SPATA17: variants seen among roughly 807,000 people sequenced by gnomAD.
The protein encoded by SPATA17 is spermatogenesis associated 17, also known as spermatogenesis-associated protein 17.
Under a neutral mutation model 62.2 loss-of-function variants are expected in SPATA17, and 53 were observed. The ratio of observed to expected loss-of-function variants is 0.85; its 90% CI spans 0.68 to 1.07. SPATA17 has a LOEUF of 1.07. Among genes scored for constraint, SPATA17 ranks in the 50% least tolerant of loss-of-function variants. The pLI is 0.00. For synonymous variants in SPATA17, 146 were observed against 146.8 expected (o/e 0.99, Z 0.04); for missense variants, 466 against 425.5 (o/e 1.10, Z -0.84).
chr1:217,700,806 A>G (rs1394151044), intron 5 of SPATA17, among the ~76,000 whole-genome samples: 4 of 138,308 alleles, frequency 2.9e-5, no homozygotes, highest in African/African-American at 8.2e-5. Context: ...GGGTTTCACC[A>G]TGTTGGCCAG....
At chr1:217,708,871 G>GT (rs1305266440) in intron 5 of SPATA17, among the ~76,000 whole-genome samples, 3 of 151,912 alleles carry the variant, frequency 2.0e-5, no homozygotes, top group Non-Finnish European at 4.4e-5. Flanking sequence ...TGCAAGGTAG[G>GT]TTCAACATAC....
chr1:217,701,177 G>A (rs181406342), intron 5 of SPATA17, among the ~76,000 whole-genome samples: 49 of 151,600 alleles, frequency 3.2e-4, no homozygotes, highest in African/African-American at 1.1e-3. Context: ...GTTTCACCAT[G>A]TTGGCCAGGC....
At chr1:217,645,714 T>G (rs898947331) in intron 1 of SPATA17, among the ~76,000 whole-genome samples, 1 of 152,208 alleles carries the variant, frequency 6.6e-6, no homozygotes, top group Non-Finnish European at 1.5e-5. Context: ...CTGGACATTA[T>G]GTTGTTGTAT....
intron 5 of SPATA17, among the ~76,000 whole-genome samples, chr1:217,732,299 A>G (rs1672419339): frequency 6.6e-6 from 1 of 152,166 alleles, no homozygotes; most frequent in Non-Finnish European, 1.5e-5. Context: ...ACATCATCCT[A>G]TGGTATGTTA....
intron 9 of SPATA17, among the ~76,000 whole-genome samples, chr1:217,824,662 A>G (rs1189325042): frequency 6.6e-6 from 1 of 150,810 alleles, no homozygotes; most frequent in Non-Finnish European, 1.5e-5. Context: ...CATGTACTTT[A>G]TACAAATATG....
chr1:217,681,956 C>T (rs916512636), intron 4 of SPATA17, among the ~76,000 whole-genome samples: 8 of 150,920 alleles, frequency 5.3e-5, no homozygotes, highest in African/African-American at 1.9e-4. Context: ...TTAGGGAAGA[C>T]GTGTGTTCTC....
rs371655594 is a variant in SPATA17, at chr1:217,708,036, G to A, written c.395+24675G>A. 1.1e-4 allele frequency among the ~76,000 whole-genome samples: 17 copies of A among 152,178 alleles called. No homozygotes were observed. In the South Asian group the frequency reaches 1.5e-3, roughly 13 times the overall value. On this transcript the variant is annotated intron_variant, in intron 5 of 10. Coordinates refer to ENST00000366933, the MANE Select transcript of SPATA17 (RefSeq NM_138796.4). ...AACAAAGATACAACATACCAAAATC[G>A]CTGGGACACAGTTAAAGCAGTGTCA... is the stretch of plus-strand genomic sequence containing the variant.
intron 8 of SPATA17, among the ~76,000 whole-genome samples, chr1:217,783,888 G>T (rs944106452): frequency 2.2e-4 from 34 of 151,964 alleles, no homozygotes; most frequent in African/African-American, 8.0e-4. Flanking sequence ...AACTTCCACA[G>T]TGTTGCTGAT....
At chr1:217,696,946 G>A (rs577506335) in intron 5 of SPATA17, among the ~76,000 whole-genome samples, 19 of 152,132 alleles carry the variant, frequency 1.2e-4, no homozygotes, top group Non-Finnish European at 2.8e-4. Context: ...GAAAGTGTCT[G>A]CCCCAAGGTT....
At chr1:217,747,444 A>C (rs1222098330) in intron 6 of SPATA17, among the ~76,000 whole-genome samples, 1 of 152,134 alleles carries the variant, frequency 6.6e-6, no homozygotes, top group Non-Finnish European at 1.5e-5. Flanking sequence ...AATTTTTGAG[A>C]ATCTTCCTGG....
chr1:217,652,933 G>A (rs1418084968), intron 3 of SPATA17, among the ~76,000 whole-genome samples: 1 of 152,152 alleles, frequency 6.6e-6, no homozygotes, highest in Non-Finnish European at 1.5e-5. Flanking sequence ...GTGAAACACT[G>A]TACGTAAAAT....
At chr1:217,731,679 A>C (rs1672404898) in intron 5 of SPATA17, among the ~76,000 whole-genome samples, 1 of 152,190 alleles carries the variant, frequency 6.6e-6, no homozygotes, top group African/African-American at 2.4e-5. Context: ...CATGTGAAAT[A>C]TAAACACTGG....
chr1:217,712,290 C>T lies in SPATA17; in HGVS notation c.395+28929C>T, dbSNP rs1472764441. Among the ~76,000 whole-genome samples, 4 of 151,980 alleles carry T rather than the reference C, an allele frequency of 2.6e-5. No homozygotes were observed. In the East Asian group the frequency reaches 7.8e-4, roughly 30 times the overall value. The stretch of plus-strand genomic sequence containing the variant: ...TATAGGCATGTGCCACCACGCCTGG[C>T]TAATTTTGTATTTTTAGTGGAGACA... On this transcript the variant is annotated intron_variant, in intron 5 of 10. Transcript: ENST00000366933.
At chr1:217,810,163 A>G (rs1558060320) in intron 9 of SPATA17, among the ~76,000 whole-genome samples, 1 of 152,202 alleles carries the variant, frequency 6.6e-6, no homozygotes, top group Non-Finnish European at 1.5e-5. Flanking sequence ...TTTTTTGAGA[A>G]TATGCATTTA....
At position 217,673,388 on chromosome 1, in the gene SPATA17, C is replaced by T. The variant is rs6694305; in HGVS notation, c.291+4305C>T. Among the ~76,000 whole-genome samples the T allele has an allele frequency of 2.4e-3, 372 of 152,228 alleles. 2 individuals carry two copies. The highest frequency in any genetic ancestry group is 8.3e-3 in the African/African-American group (345 of 41,524). Reference sequence around the variant, plus strand: ...AATAAATTGCTCAGTAAATTTTTATCTTAGCTCCTGGGGCCCTGTTCCTCC... The same window carrying T: ...AATAAATTGCTCAGTAAATTTTTATTTTAGCTCCTGGGGCCCTGTTCCTCC... On this transcript the variant is annotated intron_variant, in intron 4 of 10. Coordinates refer to ENST00000366933, the MANE Select transcript of SPATA17 (RefSeq NM_138796.4).
chr1:217,672,893 A>C (rs773257152), intron 4 of SPATA17, among the ~76,000 whole-genome samples: 2 of 152,048 alleles, frequency 1.3e-5, no homozygotes, highest in African/African-American at 4.8e-5. Flanking sequence ...CCTGTACACT[A>C]TAAGTCTCAT....
chr1:217,653,335 G>C (rs2102885493), intron 3 of SPATA17, among the ~76,000 whole-genome samples: 1 of 152,232 alleles, frequency 6.6e-6, no homozygotes, highest in East Asian at 1.9e-4. Flanking sequence ...ATTGAAGAGG[G>C]AAAAGAGACT....
intron 2 of SPATA17, among the ~76,000 whole-genome samples, chr1:217,649,858 T>A (rs939825976): frequency 6.6e-5 from 10 of 151,568 alleles, no homozygotes; most frequent in African/African-American, 2.4e-4. Flanking sequence ...CCTGGAATTA[T>A]CCTATATAAA....
intron 9 of SPATA17, among the ~76,000 whole-genome samples, chr1:217,829,109 G>A (rs924325806): frequency 6.6e-6 from 1 of 152,018 alleles, no homozygotes; most frequent in Non-Finnish European, 1.5e-5. Context: ...CAAAGGAGAA[G>A]ATATTACCAC....
Sources: gnomAD v4.1 joint callset for allele counts (sites outside exome capture counted in the v4.1 genomes callset) on GRCh38, gnomAD v4.1.1 for gene constraint, MANE v1.5 for transcripts, NCBI Gene and HGNC (gene_info 2026-07-23, HGNC 2026-07-21) for gene names.